Variants in DGKA observed in about 807,000 individuals in gnomAD.
The protein encoded by DGKA is 80 kDa diacylglycerol kinase.
Under a neutral mutation model 105.0 loss-of-function variants are expected in DGKA, and 35 were observed. The ratio of observed to expected loss-of-function variants is 0.33; its 90% confidence interval spans 0.25 to 0.44. The LOEUF is 0.44. DGKA is among the 20% of genes least tolerant of loss of function. The pLI, the probability that DGKA is intolerant of heterozygous loss-of-function variation, is 1.00. For missense variants in DGKA, 665 were observed against 915.0 expected (o/e 0.73, Z 3.53); for synonymous variants, 296 against 332.0 (o/e 0.89, Z 1.18).
At chr12:55,935,844 C>T in intron 1 of DGKA, 3 of 981,698 alleles carry the variant, frequency 3.1e-6, no homozygotes, top group Non-Finnish European at 3.6e-6. Flanking sequence ...GTCAGAAGCG[C>T]TAGAGGTCGT....
rs1885065221 is a variant in DGKA at position 55,937,839 on chromosome 12, G to T, written c.275-139G>T. The T allele has an allele frequency of 1.9e-5, 15 of 807,178 alleles. No individual in the cohort carries two copies. The South Asian group carries it at 2.4e-4, about 13-fold the overall frequency. The allele number at this position is 807,178 out of a possible 1,614,324, so 50.0% of individuals were successfully genotyped here. ...ATCATGCCACTGCACTCCAGCCTCA[G>T]TGACAGAGCAAGACCCTGTCTCTCA... On this transcript the variant is annotated intron_variant, in intron 4 of 23. Coordinates refer to ENST00000331886, the MANE Select transcript of DGKA (RefSeq NM_001345.5).
chr12:55,935,957 CA>C, intron 1 of DGKA: 1 of 988,272 alleles, frequency 1.0e-6, no homozygotes. Flanking sequence ...CGCGCTAACG[CA>C]GTAAGAGTCA....
Position 55,932,438 on chromosome 12 carries a change from C to G in DGKA, c.-82+1094C>G. On this transcript the variant is annotated intron_variant, in intron 1 of 23. Transcript: ENST00000331886. The surrounding 1 kb of genome is among the most constrained non-coding windows in gnomAD (Gnocchi z 4.3). ...TCTTCGGAACCTCCACAGTGCCGCA[C>G]GGGTGGAGAAGGGTTCTTGTTTGGC... 1.5e-6 allele frequency: 1 copy of G among 670,126 alleles called. No homozygotes were observed. The highest frequency in any genetic ancestry group is 2.7e-6 in the Non-Finnish European group (1 of 366,288). 41.5% of individuals were successfully genotyped at this position (670,126 alleles called of 1,614,324 possible). A position where few individuals can be genotyped will look rare whatever the true frequency, so the allele number is the denominator to read the frequency against.
chr12:55,951,620 T>A lies in DGKA; in HGVS notation c.1427-3T>A. ...AGTGCTAACCTGTCTTCTCCACTCC[T>A]AGGTTATGAAGGACAGAATCTGGCA... On this transcript the variant is annotated splice_region_variant and splice_polypyrimidine_tract_variant and intron_variant, in intron 17 of 23. Transcript: ENST00000331886. 6.2e-7 allele frequency: 1 copy of A among 1,613,714 alleles called. No homozygotes were observed. Among genetic ancestry groups the A allele is most frequent in the Non-Finnish European group, 8.5e-7 (1 of 1,179,816 alleles).
intron 1 of DGKA, chr12:55,935,833 C>A: frequency 2.1e-6 from 2 of 969,540 alleles, no homozygotes; most frequent in Non-Finnish European, 2.5e-6. Flanking sequence ...CTGTGTCGCG[C>A]GTCAGAAGCG....
intron 1 of DGKA, chr12:55,936,054 GGT>G: frequency 1.0e-6 from 1 of 988,500 alleles, no homozygotes; most frequent in Non-Finnish European, 1.2e-6. Context: ...GATTGACGAT[GGT>G]GGAAGAAAGC....
intron 22 of DGKA, 48 bp downstream of exon 22, chr12:55,953,208 G>C: frequency 6.2e-7 from 1 of 1,613,406 alleles, no homozygotes. Context: ...TGGGGCTGGG[G>C]CAGCAGAAGG....
At chr12:55,947,856 T>C (rs1023143287) in intron 17 of DGKA, among the ~76,000 whole-genome samples, 2 of 152,154 alleles carry the variant, frequency 1.3e-5, no homozygotes, top group East Asian at 3.9e-4. Flanking sequence ...TATAGTACAA[T>C]CTCGGCTCAC....
rs778241886 is a variant in DGKA, at chr12:55,938,896, C to T, written c.400-19C>T. ...TAGTAAAGGGGATATGGCTGTGGCT[C>T]TTGCCCTTTTTGCTCCAGGAAGTGG... On this transcript the variant is annotated intron_variant, in intron 6 of 23. Coordinates refer to ENST00000331886, the MANE Select transcript of DGKA (RefSeq NM_001345.5). 6.2e-7 allele frequency: 1 copy of T among 1,614,070 alleles called. No individual in the cohort carries two copies. The highest frequency in any genetic ancestry group is 1.1e-5 in the South Asian group (1 of 91,072).
chr12:55,953,578 G>A (rs2136427429), intron 23 of DGKA, 107 bp from the exon 24 acceptor site: 1 of 1,383,168 alleles, frequency 7.2e-7, no homozygotes, highest in Non-Finnish European at 1.0e-6. Flanking sequence ...GGCCTCTCTA[G>A]GAACCTAGCA....
At chr12:55,943,582 ACCAT>A in intron 17 of DGKA, among the ~76,000 whole-genome samples, 1 of 151,946 alleles carries the variant, frequency 6.6e-6, no homozygotes, top group East Asian at 1.9e-4. Context: ...AACCCACTTT[ACCAT>A]TCAAGCCACT....
At chr12:55,935,467 A>G (rs1884441677) in intron 1 of DGKA, 1 of 152,186 alleles carries the variant, frequency 6.6e-6, no homozygotes, top group Non-Finnish European at 1.5e-5. Context: ...TGGTCCCTGG[A>G]TCCAGTAGCC....
intron 1 of DGKA, chr12:55,931,673 G>A (rs1051624593): frequency 6.6e-6 from 1 of 152,502 alleles, no homozygotes; most frequent in East Asian, 1.9e-4. Context: ...GAGAGAATGA[G>A]ACGTTGGTTG....
intron 17 of DGKA, among the ~76,000 whole-genome samples, chr12:55,947,443 A>T (rs1018581958): frequency 6.6e-6 from 1 of 152,182 alleles, no homozygotes; most frequent in Non-Finnish European, 1.5e-5. Flanking sequence ...TCCATGTTTT[A>T]CTTCCTAGAC....
chr12:55,938,619 C>G (rs1885255638), intron 6 of DGKA, 59 bp downstream of exon 6: 6 of 1,611,648 alleles, frequency 3.7e-6, no homozygotes, highest in Non-Finnish European at 5.1e-6. Context: ...TCTGCACCCT[C>G]CTGCCCCAAC....
chr12:55,951,984 G>T (rs762440957), intron 18 of DGKA, 51 bp from the exon 19 acceptor site: 1 of 1,603,366 alleles, frequency 6.2e-7, no homozygotes, highest in African/African-American at 1.3e-5. Flanking sequence ...AGGGGAGACC[G>T]GGAGGGAGAG....
chr12:55,928,322 G>GAGGAGGC (rs1047052660), upstream of DGKA: 9 of 152,382 alleles, frequency 5.9e-5, no homozygotes, highest in African/African-American at 1.9e-4. Context: ...TGGAACCAGG[G>GAGGAGGC]AGGAGGCAGG....
At chr12:55,939,755 AT>A in intron 9 of DGKA, 1 of 599,996 alleles carries the variant, frequency 1.7e-6, no homozygotes, top group Non-Finnish European at 3.0e-6. Flanking sequence ...AGTGCTTCAG[AT>A]GGTGCATGCA....
Position 55,939,185 on chromosome 12 carries a change from G to C in DGKA, c.475-1G>C. On this transcript the variant is annotated splice_acceptor_variant, in intron 7 of 23. Coordinates refer to ENST00000331886, the MANE Select transcript of DGKA (RefSeq NM_001345.5). LOFTEE classifies it high-confidence loss of function. ...AAAGTCCCTTTCCACTCTGTGCTCA[G>C]ATTCTTCAGGAGATGATGAAAGAGA... 1 of 1,613,990 alleles carries C rather than the reference G, an allele frequency of 6.2e-7. No individual in the cohort carries two copies. Among genetic ancestry groups the C allele is most frequent in the Non-Finnish European group, 8.5e-7 (1 of 1,179,918 alleles).
Sources: allele counts gnomAD v4.1 joint callset (sites outside exome capture counted in the v4.1 genomes callset), GRCh38; gene constraint gnomAD v4.1.1; non-coding constraint Gnocchi (gnomAD v3.1); transcripts MANE v1.5; gene names NCBI Gene and HGNC (gene_info 2026-07-23, HGNC 2026-07-21).